FSTL5: variants seen among roughly 807,000 people sequenced by gnomAD.
The protein encoded by FSTL5 is follistatin like 5.
In FSTL5, 62 loss-of-function variants were observed where a neutral mutation model predicts 89.1. The ratio of observed to expected loss-of-function variants is 0.70; its 90% confidence interval spans 0.57 to 0.86. The LOEUF is 0.86. Among genes scored for constraint, FSTL5 ranks in the 40% least tolerant of loss-of-function variants. The pLI is 0.00. For missense variants in FSTL5, 1,057 were observed against 1,001.6 expected (o/e 1.06, Z -0.75); for synonymous variants, 383 against 346.2 (o/e 1.11, Z -1.18).
At chr4:162,024,283 A>G (rs1737200114) in intron 3 of FSTL5, among the ~76,000 whole-genome samples, 1 of 152,204 alleles carries the variant, frequency 6.6e-6, no homozygotes, top group Admixed American at 6.6e-5. Context: ...TAGATCATCA[A>G]TATTTACCTT....
At chr4:161,431,208 C>A (rs1203264811) in intron 15 of FSTL5, among the ~76,000 whole-genome samples, 2 of 151,962 alleles carry the variant, frequency 1.3e-5, no homozygotes, top group Non-Finnish European at 2.9e-5. Context: ...ACTAGAAAGA[C>A]TAAAAAATGA....
chr4:161,812,181 T>G (rs1730169936), intron 4 of FSTL5, among the ~76,000 whole-genome samples: 1 of 152,220 alleles, frequency 6.6e-6, no homozygotes, highest in Non-Finnish European at 1.5e-5. Context: ...CTATAAAATA[T>G]TAACAGATGT....
At chr4:161,776,236 G>C (rs920050724) in intron 4 of FSTL5, among the ~76,000 whole-genome samples, 162 bp from the exon 5 acceptor site, 3 of 152,026 alleles carry the variant, frequency 2.0e-5, no homozygotes, top group African/African-American at 7.2e-5. Context: ...AAATGGGCTA[G>C]TTCCATGGTA....
Position 161,571,911 on chromosome 4 carries a change from A to G in FSTL5, c.1015+15544T>C, listed in dbSNP as rs116322576. On this transcript the variant is annotated intron_variant, in intron 8 of 15. Transcript: ENST00000306100. Reference sequence around the variant, plus strand: ...TGTGCATAATTTTTCCTTCCCCCAAAAGGCTTCTGAGCATTGTGATCTTGT... The same window carrying G: ...TGTGCATAATTTTTCCTTCCCCCAAGAGGCTTCTGAGCATTGTGATCTTGT... Among the ~76,000 whole-genome samples, 698 of 152,246 alleles carry G rather than the reference A, an allele frequency of 4.6e-3. 6 individuals carry two copies. Among genetic ancestry groups the G allele is most frequent in the African/African-American group, 0.016 (668 of 41,552 alleles).
intron 8 of FSTL5, among the ~76,000 whole-genome samples, chr4:161,583,690 C>A (rs1365918173): frequency 4.6e-5 from 7 of 152,166 alleles, no homozygotes; most frequent in Non-Finnish European, 7.3e-5. Flanking sequence ...GACATTTGGG[C>A]TGCTTAAAAC....
intron 7 of FSTL5, among the ~76,000 whole-genome samples, chr4:161,654,347 C>T (rs930120648): frequency 3.9e-5 from 6 of 151,970 alleles, no homozygotes; most frequent in Admixed American, 6.6e-5. Flanking sequence ...TAGTGGAAAG[C>T]TTAAGAGTAT....
chr4:161,920,527 G>C lies in FSTL5; in HGVS notation c.286C>G (p.His96Asp), dbSNP rs1265195551. 5 of 1,613,886 alleles carry C rather than the reference G, an allele frequency of 3.1e-6. No individual in the cohort carries two copies. The Admixed American group carries it at 8.3e-5, about 27-fold the overall frequency. Reference protein sequence around the residue: ...ECACMDLCKRHYKPVCGSDGE... With the variant: ...ECACMDLCKRDYKPVCGSDGE... ...TCAGATCCACACACAGGTTTGTAGT[G>C]ACGTTTGCAAAGGTCCATACAGGCA... The change falls in exon 4 of 16, where the codon CAC (histidine) becomes GAC (aspartate). Residue 96 changes from histidine (H) to aspartate (D), a missense_variant. Coordinates refer to ENST00000306100, the MANE Select transcript of FSTL5 (RefSeq NM_020116.5).
chr4:161,553,331 C>T (rs1184060982), intron 8 of FSTL5, among the ~76,000 whole-genome samples: 1 of 151,020 alleles, frequency 6.6e-6, no homozygotes, highest in Non-Finnish European at 1.5e-5. Flanking sequence ...ATTTATTCTA[C>T]AAAAATGTAA....
chr4:161,530,619 A>T (rs537038146), intron 10 of FSTL5, among the ~76,000 whole-genome samples: 10 of 152,182 alleles, frequency 6.6e-5, no homozygotes, highest in African/African-American at 1.9e-4. Flanking sequence ...ACAATAATTT[A>T]AAAATGGTGT....
At chr4:161,708,269 T>A (rs1357798873) in intron 6 of FSTL5, among the ~76,000 whole-genome samples, 1 of 152,034 alleles carries the variant, frequency 6.6e-6, no homozygotes, top group Admixed American at 6.6e-5. Flanking sequence ...TTTAAGCTTT[T>A]ATAACATAAA....
intron 13 of FSTL5, among the ~76,000 whole-genome samples, chr4:161,472,654 T>A (rs1023876770): frequency 1.3e-5 from 2 of 152,142 alleles, no homozygotes; most frequent in African/African-American, 2.4e-5. Context: ...TTAAAAAAAA[T>A]TCCAATTTTA....
intron 8 of FSTL5, among the ~76,000 whole-genome samples, chr4:161,565,606 C>A (rs1187236909): frequency 6.6e-6 from 1 of 151,652 alleles, no homozygotes; most frequent in East Asian, 1.9e-4. Flanking sequence ...GTTTGCCCGC[C>A]ACTTAAATGT....
chr4:161,813,590 C>G (rs2126842281), intron 4 of FSTL5, among the ~76,000 whole-genome samples: 1 of 152,308 alleles, frequency 6.6e-6, no homozygotes, highest in Admixed American at 6.5e-5. Flanking sequence ...TACACACAGT[C>G]AGCATTCTGT....
At chr4:161,999,218 T>C (rs1021828661) in intron 3 of FSTL5, among the ~76,000 whole-genome samples, 1 of 152,208 alleles carries the variant, frequency 6.6e-6, no homozygotes, top group Non-Finnish European at 1.5e-5. Context: ...AAATATTATA[T>C]GCTGCTATAA....
intron 4 of FSTL5, among the ~76,000 whole-genome samples, chr4:161,851,094 G>A (rs1731534780): frequency 6.6e-6 from 1 of 152,052 alleles, no homozygotes; most frequent in Non-Finnish European, 1.5e-5. Context: ...TATCTCTAAA[G>A]ATAACAATGA....
At chr4:161,638,052 G>T (rs1476492065) in intron 7 of FSTL5, among the ~76,000 whole-genome samples, 1 of 151,582 alleles carries the variant, frequency 6.6e-6, no homozygotes, top group Non-Finnish European at 1.5e-5. Flanking sequence ...AATTACCTTG[G>T]GCAGTATGGC....
intron 5 of FSTL5, among the ~76,000 whole-genome samples, chr4:161,769,117 T>C (rs1273769089): frequency 2.6e-5 from 4 of 151,930 alleles, no homozygotes; most frequent in Admixed American, 1.3e-4. Context: ...TCTAGACACA[T>C]GTAACCTACC....
intron 3 of FSTL5, among the ~76,000 whole-genome samples, chr4:162,028,108 G>A (rs150988484): frequency 5.9e-4 from 90 of 152,074 alleles, no homozygotes; most frequent in Non-Finnish European, 1.1e-3. Context: ...AATAAATCAC[G>A]AATCTCTTGA....
chr4:162,021,626 T>C (rs1313439598), intron 3 of FSTL5, among the ~76,000 whole-genome samples: 1 of 152,108 alleles, frequency 6.6e-6, no homozygotes, highest in Non-Finnish European at 1.5e-5. Context: ...TGAAATCATG[T>C]CTTCTACAGC....
Sources: allele counts gnomAD v4.1 joint callset (sites outside exome capture counted in the v4.1 genomes callset), GRCh38; gene constraint gnomAD v4.1.1; transcripts MANE v1.5; gene names NCBI Gene and HGNC (gene_info 2026-07-23, HGNC 2026-07-21).